Variants in AGRN observed in about 807,000 individuals in gnomAD.
The protein encoded by AGRN is agrin proteoglycan.
AGRN carries 106 observed loss-of-function variants against 211.0 expected under a neutral mutation model. That is an observed-to-expected ratio of 0.50 (90% CI 0.43 to 0.59). AGRN has a LOEUF of 0.59. Among genes scored for constraint, AGRN ranks in the 20% least tolerant of loss-of-function variants. AGRN has a pLI of 0.00. For synonymous variants in AGRN, 1,525 were observed against 1,332.5 expected (o/e 1.14, Z -3.15); for missense variants, 3,040 against 2,982.6 (o/e 1.02, Z -0.45).
At position 1,054,920 on chromosome 1, in the gene AGRN, C is replaced by T. The variant is rs369944008; in HGVS notation, c.6077C>T (p.Pro2026Leu). 21 of 1,548,616 alleles carry T rather than the reference C, an allele frequency of 1.4e-5. No individual in the cohort carries two copies. The African/African-American group carries it at 1.5e-4, about 11-fold the overall frequency. Reference sequence around the variant, plus strand: ...CGGGACGTGGTGGTGGGCCGGCACCCGCTGCACCTGCTGGAGGACGCCGTC... The same window carrying T: ...CGGGACGTGGTGGTGGGCCGGCACCTGCTGCACCTGCTGGAGGACGCCGTC... ...CLRDVVVGRH[P>L]LHLLEDAVTK... Residue 2026 changes from proline (P) to leucine (L), a missense_variant, in exon 36 of 36, where the codon CCG (proline) becomes CTG (leucine). This residue lies in a region of AGRN where 1,537 missense variants were observed against 1,505.0 expected (regional missense o/e 1.02). Coordinates refer to ENST00000379370, the MANE Select transcript of AGRN (RefSeq NM_198576.4).
rs993620476 is a variant in AGRN at position 1,034,052 on chromosome 1, G to A, written c.464-1225G>A. 2.0e-5 allele frequency: 18 copies of A among 902,422 alleles called. No homozygotes were observed. The South Asian group carries it at 4.6e-4, about 23-fold the overall frequency. The allele number at this position is 902,422 out of a possible 1,614,324, so 55.9% of individuals were successfully genotyped here. On this transcript the variant is annotated intron_variant, in intron 2 of 35. Coordinates refer to ENST00000379370, the MANE Select transcript of AGRN (RefSeq NM_198576.4). Reference sequence around the variant, plus strand: ...CTGGAGGGAGCCCGGGACCCGGCGCGGCCTCCGCAGGCGGCGCTTTCTTCT... The same window carrying A: ...CTGGAGGGAGCCCGGGACCCGGCGCAGCCTCCGCAGGCGGCGCTTTCTTCT...
rs758000357 is a variant in AGRN, at chr1:1,049,696, G to A, written c.4645G>A (p.Gly1549Arg). The stretch of plus-strand genomic sequence containing the variant: ...CCGAGGCTCTGGCGTGGGCGAGTGC[G>A]GGGACCACCCCTGCCTGCCCAACCC... ...ATRGSGVGEC[G>R]DHPCLPNPCH... Residue 1549 changes from glycine (G) to arginine (R), a missense_variant, in exon 26 of 36, where the codon GGG (glycine) becomes AGG (arginine). This residue lies in a region of AGRN where 1,537 missense variants were observed against 1,505.0 expected (regional missense o/e 1.02). Coordinates refer to ENST00000379370, the MANE Select transcript of AGRN (RefSeq NM_198576.4). The A allele has an allele frequency of 1.7e-5, 27 of 1,574,862 alleles. No individual in the cohort carries two copies. Among genetic ancestry groups the A allele is most frequent in the Admixed American group, 5.7e-5 (3 of 53,090 alleles).
At chr1:1,050,083 A>C in intron 27 of AGRN, 46 bp downstream of exon 27, 7 of 1,527,602 alleles carry the variant, frequency 4.6e-6, no homozygotes, top group Non-Finnish European at 6.2e-6. Flanking sequence ...GGGGGGTTGA[A>C]CGTTTGGGCG....
At chr1:1,043,200 G>A (rs758271326) in intron 7 of AGRN, 39 bp from the exon 8 acceptor site, 12 of 1,555,104 alleles carry the variant, frequency 7.7e-6, no homozygotes, top group Non-Finnish European at 1.0e-5. Flanking sequence ...CAGCGGAGGG[G>A]GGGCTTGTGG....
In AGRN at chr1:1,049,070, AGGGGAC is replaced by A; in HGVS notation, c.4298+16_4298+21del. On this transcript the variant is annotated intron_variant, in intron 24 of 35. Coordinates refer to ENST00000379370, the MANE Select transcript of AGRN (RefSeq NM_198576.4). ...CCGCGTGCAGCTCAGGTGGGCGGGG[AGGGGAC>A]GGGGCCGGGGCAGCTCAGGTGGGCG... is the stretch of plus-strand genomic sequence containing the variant. 1 of 1,045,512 alleles carries A rather than the reference AGGGGAC, an allele frequency of 9.6e-7. No individual in the cohort carries two copies. Among genetic ancestry groups the A allele is most frequent in the East Asian group, 3.5e-5 (1 of 28,854 alleles). 64.8% of individuals were successfully genotyped at this position (1,045,512 alleles called of 1,614,324 possible).
At chr1:1,033,850 G>T (rs537696814) in intron 2 of AGRN, among the ~76,000 whole-genome samples, 292 of 105,508 alleles carry the variant, frequency 2.8e-3, no homozygotes, top group African/African-American at 0.01. Context: ...CCCCGGCCCC[G>T]CCTGCCCGGC....
chr1:1,045,189 G>T lies in AGRN; in HGVS notation c.2283G>T (p.Val761=), dbSNP rs1392175123. The change falls in exon 13 of 36, where the codon GTG becomes GTT. Residue 761 remains valine (V), a synonymous_variant. Coordinates refer to ENST00000379370, the MANE Select transcript of AGRN (RefSeq NM_198576.4). ...RGPTFAPLPP[V]APLHCAQTPY... Reference sequence around the variant, plus strand: ...CCACCTTCGCCCCGCTGCCGCCTGTGGCCCCCTTACACTGTGCCCAGACGC... The same window carrying T: ...CCACCTTCGCCCCGCTGCCGCCTGTTGCCCCCTTACACTGTGCCCAGACGC... The T allele has an allele frequency of 6.2e-7, 1 of 1,612,532 alleles. No homozygotes were observed. The highest frequency in any genetic ancestry group is 1.3e-5 in the African/African-American group (1 of 74,928).
At chr1:1,038,127 C>G (rs1644845082) in intron 3 of AGRN, among the ~76,000 whole-genome samples, 2 of 152,194 alleles carry the variant, frequency 1.3e-5, no homozygotes, top group African/African-American at 4.8e-5. Flanking sequence ...GACCTTTAAA[C>G]CCTGGGCTGG....
rs931877780 is a variant in AGRN at position 1,022,354 on chromosome 1, C to A, written c.355C>A (p.Pro119Thr). Reference protein sequence around the residue: ...TGDTRIFFVNPAPPYLWPAHK... With the variant: ...TGDTRIFFVNTAPPYLWPAHK... ...GGACACCAGGATCTTCTTTGTGAAC[C>A]CTGCACCCCCATACCTGTGGCCAGC... Residue 119 changes from proline (P) to threonine (T), a missense_variant, in exon 2 of 36, where the codon CCT becomes ACT. By Grantham distance (38) the Pro-to-Thr change is conservative. Around this residue, in one of 3 missense-constraint regions of AGRN, gnomAD observed 1,498 missense variants for 1,457.8 expected, o/e 1.03. Transcript: ENST00000379370. The A allele has an allele frequency of 6.2e-7, 1 of 1,613,240 alleles. No homozygotes were observed. Among genetic ancestry groups the A allele is most frequent in the Non-Finnish European group, 8.5e-7 (1 of 1,180,010 alleles).
Position 1,041,587 on chromosome 1 carries a change from G to T in AGRN, c.1062G>T (p.Ala354=). The change falls in exon 6 of 36, where the codon GCG becomes GCT. Residue 354 remains alanine, a synonymous_variant. Transcript: ENST00000379370. ...CCGAGAGCTGCCCTGCCCGGCAGGC[G>T]CCAGTGTGTGGGGACGACGGAGTCA... is the stretch of plus-strand genomic sequence containing the variant. ...LRPESCPARQ[A]PVCGDDGVTY... is the part of the protein sequence containing the mutation. 1.2e-6 allele frequency: 2 copies of T among 1,610,940 alleles called. No individual in the cohort carries two copies. The highest frequency in any genetic ancestry group is 1.7e-6 in the Non-Finnish European group (2 of 1,179,382).
In AGRN at chr1:1,053,733, A is replaced by ACCTGC. The variant is rs1239507907; in HGVS notation, c.5652-16_5652-12dup. On this transcript the variant is annotated intron_variant, in intron 33 of 35. Transcript: ENST00000379370. ...TGTTGCCACCTTCCTAGAGGCCCTG[A>ACCTGC]CCTGCCCTCTGCCCTCCAGCGAGAA... 3.8e-6 allele frequency: 6 copies of ACCTGC among 1,576,930 alleles called. No homozygotes were observed. In the Admixed American group the frequency reaches 1.1e-4, roughly 29 times the overall value.
In AGRN at chr1:1,047,630, C is replaced by A. The variant is rs565447598; in HGVS notation, c.3574C>A (p.Arg1192=). 1.2e-6 allele frequency: 2 copies of A among 1,613,082 alleles called. No individual in the cohort carries two copies. The highest frequency in any genetic ancestry group is 4.5e-5 in the East Asian group (2 of 44,882). Residue 1192 remains arginine, a synonymous_variant, in exon 21 of 36, where the codon CGG becomes AGG. Coordinates refer to ENST00000379370, the MANE Select transcript of AGRN (RefSeq NM_198576.4). The stretch of plus-strand genomic sequence containing the variant: ...GAAGGATTTTCGGAGTGTCCGCTTG[C>A]GGGACCTGGGGCCCGGCAAATCCGT... ...VKKDFRSVRL[R]DLGPGKSVRA... is the part of the protein sequence containing the mutation.
rs1404084407 is a variant in AGRN, at chr1:1,022,420, A to C, written c.421A>C (p.Ile141Leu). 4.3e-6 allele frequency: 7 copies of C among 1,612,918 alleles called. No individual in the cohort carries two copies. Among genetic ancestry groups the C allele is most frequent in the Non-Finnish European group, 5.1e-6 (6 of 1,179,672 alleles). ...GATGCTCAACTCCAGCCTCATGCGG[A>C]TCACCCTGCGGAACCTGGAGGAGGT... ...ELMLNSSLMR[I>L]TLRNLEEVEF... The change falls in exon 2 of 36, where the codon ATC becomes CTC. Residue 141 changes from isoleucine (I) to leucine (L), a missense_variant. Ile to Leu is a conservative substitution (Grantham distance 5). Coordinates refer to ENST00000379370, the MANE Select transcript of AGRN (RefSeq NM_198576.4).
rs1384127937 is a variant in AGRN at position 1,020,332 on chromosome 1, A to T, written c.160A>T (p.Ile54Phe). ...NVVLTGTVEE[I>F]LNVDPVQHTY... is the part of the protein sequence containing the mutation. ...GGTGCTCACCGGGACGGTGGAGGAG[A>T]TCCTCAACGTGGACCCGGTGCAGCA... Residue 54 changes from isoleucine to phenylalanine, a missense_variant, in exon 1 of 36, where the codon ATC becomes TTC. Ile to Phe is a conservative substitution (Grantham distance 21). Coordinates refer to ENST00000379370, the MANE Select transcript of AGRN (RefSeq NM_198576.4). 6.7e-7 allele frequency: 1 copy of T among 1,493,346 alleles called. No homozygotes were observed. Among genetic ancestry groups the T allele is most frequent in the Non-Finnish European group, 8.9e-7 (1 of 1,120,142 alleles). The allele number at this position is 1,493,346 out of a possible 1,614,324, so 92.5% of individuals were successfully genotyped here.
At chr1:1,023,281 C>T (rs569425208) in intron 2 of AGRN, among the ~76,000 whole-genome samples, 10 of 152,338 alleles carry the variant, frequency 6.6e-5, no homozygotes, top group African/African-American at 2.4e-4. Flanking sequence ...ACTAGCCTGG[C>T]TCTTGAGGGG....
chr1:1,031,120 G>A lies in AGRN; in HGVS notation c.464-4157G>A, dbSNP rs1263263792. ...GTGTGTGTGCGGTGCATGGTGCTGT[G>A]TGAGATGTGTGTGTGTGCAGTGCAT... is the stretch of plus-strand genomic sequence containing the variant. On this transcript the variant is annotated intron_variant, in intron 2 of 35. Transcript: ENST00000379370. This position sits in a 1 kb window ranked among gnomAD's most constrained non-coding sequence, Gnocchi z 4.8. 7.0e-6 allele frequency among the ~76,000 whole-genome samples: 1 copy of A among 142,352 alleles called. No homozygotes were observed. The highest frequency in any genetic ancestry group is 2.7e-5 in the African/African-American group (1 of 37,706). The allele number at this position is 142,352 out of a possible 152,430, so 93.4% of individuals were successfully genotyped here. A position where few individuals can be genotyped will look rare whatever the true frequency, so the allele number is the denominator to read the frequency against.
chr1:1,049,075 A>ACGGGGC lies in AGRN; in HGVS notation c.4298+23_4298+28dup. The ACGGGGC allele has an allele frequency of 7.2e-7, 1 of 1,388,124 alleles. No individual in the cohort carries two copies. 86.0% of individuals were successfully genotyped at this position (1,388,124 alleles called of 1,614,324 possible). On this transcript the variant is annotated intron_variant, in intron 24 of 35. Coordinates refer to ENST00000379370, the MANE Select transcript of AGRN (RefSeq NM_198576.4). ...TGCAGCTCAGGTGGGCGGGGAGGGG[A>ACGGGGC]CGGGGCCGGGGCAGCTCAGGTGGGC...
intron 22 of AGRN, 32 bp from the exon 23 acceptor site, chr1:1,047,980 C>T (rs766927662): frequency 1.3e-6 from 2 of 1,570,168 alleles, no homozygotes; most frequent in Non-Finnish European, 1.7e-6. Context: ...GCCCTGCTCC[C>T]AGGAAACCCT....
chr1:1,044,594 T>C (rs1337053681), intron 12 of AGRN, among the ~76,000 whole-genome samples, 155 bp downstream of exon 12: 1 of 152,108 alleles, frequency 6.6e-6, no homozygotes, highest in Non-Finnish European at 1.5e-5. Context: ...CCTGTGCACA[T>C]TTGTGCAGCT....
Sources: gnomAD v4.1 joint callset for allele counts (sites outside exome capture counted in the v4.1 genomes callset) on GRCh38, gnomAD v4.1.1 for gene constraint, gnomAD v4.1.1 regional missense constraint, Gnocchi (gnomAD v3.1) non-coding constraint, MANE v1.5 for transcripts, NCBI Gene and HGNC (gene_info 2026-07-23, HGNC 2026-07-21) for gene names.